Variants in FRMD4A observed in about 807,000 individuals in gnomAD.
FRMD4A encodes FERM domain-containing protein 4A.
FRMD4A carries 29 observed loss-of-function variants against 129.1 expected under a neutral mutation model. The observed-to-expected ratio is 0.22, with a 90% CI of 0.17 to 0.31. The LOEUF is 0.31. FRMD4A is among the 10% of genes least tolerant of loss of function. The pLI, the probability that FRMD4A is intolerant of heterozygous loss-of-function variation, is 1.00. For synonymous variants in FRMD4A, 634 were observed against 571.6 expected (o/e 1.11, Z -1.56); for missense variants, 1,272 against 1,375.8 (o/e 0.92, Z 1.19).
At chr10:13,668,241 A>G (rs534992322) in intron 17 of FRMD4A, 1 of 152,284 alleles carries the variant, frequency 6.6e-6, no homozygotes, top group Admixed American at 6.5e-5. Flanking sequence ...GAATATCAAC[A>G]TGGACTCCTG....
chr10:14,215,692 C>T (rs188989556), intron 2 of FRMD4A, among the ~76,000 whole-genome samples: 14 of 152,050 alleles, frequency 9.2e-5, no homozygotes, highest in Admixed American at 9.2e-4. Flanking sequence ...CTTAGAGGTT[C>T]TATTTGAGGA....
chr10:13,905,443 A>G (rs1407880096), intron 2 of FRMD4A, among the ~76,000 whole-genome samples: 2 of 152,232 alleles, frequency 1.3e-5, no homozygotes, highest in African/African-American at 4.8e-5. Flanking sequence ...AGTTCTCAGT[A>G]GAAGAGGAAA....
At chr10:13,906,496 G>C (rs1266324566) in intron 2 of FRMD4A, among the ~76,000 whole-genome samples, 4 of 152,144 alleles carry the variant, frequency 2.6e-5, no homozygotes, top group Non-Finnish European at 4.4e-5. Flanking sequence ...TATAAAGAGG[G>C]AGTTTTTGGC....
intron 2 of FRMD4A, among the ~76,000 whole-genome samples, chr10:13,919,972 C>T (rs571419737): frequency 6.6e-6 from 1 of 151,966 alleles, no homozygotes; most frequent in Non-Finnish European, 1.5e-5. Flanking sequence ...CACAAACAAA[C>T]TAACACAATT....
At chr10:14,033,410 T>A (rs1833345384) in intron 2 of FRMD4A, among the ~76,000 whole-genome samples, 1 of 152,136 alleles carries the variant, frequency 6.6e-6, no homozygotes, top group Non-Finnish European at 1.5e-5. Flanking sequence ...AGTGTGACCA[T>A]CACCCAAATA....
At chr10:14,000,667 A>AAAAAAAAAAG (rs200369296) in intron 2 of FRMD4A, among the ~76,000 whole-genome samples, 2,507 of 105,212 alleles carry the variant, frequency 0.024, 26 homozygotes, top group Non-Finnish European at 0.041. Flanking sequence ...AAAAAAAAAA[A>AAAAAAAAAAG]AGAGAAGAAA....
rs531832104 is a variant in FRMD4A at position 13,798,857 on chromosome 10, C to T, written c.207-2269G>A. Among the ~76,000 whole-genome samples the T allele has an allele frequency of 2.0e-5, 3 of 152,200 alleles. 1 individual carries two copies. Among genetic ancestry groups the T allele is most frequent in the South Asian group, 4.1e-4 (2 of 4,834 alleles). On this transcript the variant is annotated intron_variant, in intron 4 of 24. Coordinates refer to ENST00000357447, the MANE Select transcript of FRMD4A (RefSeq NM_018027.5). Reference sequence around the variant, plus strand: ...GCCTGGGTGCCAATGTCATCTCTGCCCATGCCTGATAATGCCCCACAGGTT... The same window carrying T: ...GCCTGGGTGCCAATGTCATCTCTGCTCATGCCTGATAATGCCCCACAGGTT...
At chr10:14,266,157 TGGGGGTGGGA>T (rs1461114285) in intron 2 of FRMD4A, among the ~76,000 whole-genome samples, 1 of 30,452 alleles carries the variant, frequency 3.3e-5, no homozygotes, top group Non-Finnish European at 5.9e-5. Flanking sequence ...TTCTTTGTCC[TGGGGGTGGGA>T]GGGGGTGGGG....
At chr10:14,192,123 C>G (rs891261564) in intron 2 of FRMD4A, among the ~76,000 whole-genome samples, 1 of 152,198 alleles carries the variant, frequency 6.6e-6, no homozygotes, top group African/African-American at 2.4e-5. Flanking sequence ...CCCTGAAAGT[C>G]ACCATCCCCT....
chr10:13,818,120 C>T (rs1417151031), intron 3 of FRMD4A, among the ~76,000 whole-genome samples: 2 of 152,080 alleles, frequency 1.3e-5, no homozygotes, highest in South Asian at 2.1e-4. Context: ...TGATGGACTA[C>T]TGTACCATAA....
At chr10:13,998,799 A>G (rs1370920998) in intron 2 of FRMD4A, among the ~76,000 whole-genome samples, 2 of 152,174 alleles carry the variant, frequency 1.3e-5, no homozygotes, top group Non-Finnish European at 2.9e-5. Context: ...ATCTGTCACT[A>G]AGATGATTGT....
intron 2 of FRMD4A, among the ~76,000 whole-genome samples, chr10:13,986,977 AT>A (rs767946077): frequency 5.3e-5 from 8 of 151,994 alleles, no homozygotes; most frequent in Non-Finnish European, 1.2e-4. Flanking sequence ...GGGCCTGGGA[AT>A]TTGCATTTCA....
At chr10:13,726,165 T>C (rs1275647431) in intron 12 of FRMD4A, among the ~76,000 whole-genome samples, 1 of 152,064 alleles carries the variant, frequency 6.6e-6, no homozygotes, top group Non-Finnish European at 1.5e-5. Context: ...CTCCAGCTAC[T>C]AGGGAGGCTG....
At chr10:14,034,232 C>G (rs1305658172) in intron 2 of FRMD4A, among the ~76,000 whole-genome samples, 1 of 152,106 alleles carries the variant, frequency 6.6e-6, no homozygotes, top group Non-Finnish European at 1.5e-5. Context: ...TGTGCATATC[C>G]TTGCCTGCTC....
intron 2 of FRMD4A, among the ~76,000 whole-genome samples, chr10:13,867,799 T>C (rs10906524): frequency 2.2e-5 from 3 of 134,464 alleles, no homozygotes; most frequent in African/African-American, 8.4e-5. Context: ...TAATATAATA[T>C]ATAATAAATA....
intron 2 of FRMD4A, among the ~76,000 whole-genome samples, chr10:14,268,839 T>C (rs1432495251): frequency 6.6e-6 from 1 of 152,236 alleles, no homozygotes; most frequent in Non-Finnish European, 1.5e-5. Context: ...TAGGCTAATT[T>C]TTCCAGAGTT....
chr10:14,002,212 T>A (rs2095645230), intron 2 of FRMD4A, among the ~76,000 whole-genome samples: 1 of 152,208 alleles, frequency 6.6e-6, no homozygotes, highest in African/African-American at 2.4e-5. Context: ...ATAATTGTGA[T>A]AAAAGAGAAT....
At chr10:13,918,770 C>T (rs923914176) in intron 2 of FRMD4A, among the ~76,000 whole-genome samples, 48 of 152,032 alleles carry the variant, frequency 3.2e-4, no homozygotes, top group African/African-American at 1.0e-3. Flanking sequence ...CACAGTGATC[C>T]GCCTGCCTCG....
intron 2 of FRMD4A, among the ~76,000 whole-genome samples, chr10:14,250,243 A>G (rs1844389705): frequency 6.6e-6 from 1 of 152,120 alleles, no homozygotes; most frequent in East Asian, 1.9e-4. Context: ...TTACAGGTGT[A>G]AGCCACTGTG....
Sources: gnomAD v4.1 joint callset for allele counts (sites outside exome capture counted in the v4.1 genomes callset) on GRCh38, gnomAD v4.1.1 for gene constraint, MANE v1.5 for transcripts, NCBI Gene and HGNC (gene_info 2026-07-23, HGNC 2026-07-21) for gene names.